DNAJA3: variants seen among roughly 807,000 people sequenced by gnomAD.
DNAJA3 encodes DnaJ heat shock protein family (Hsp40) member A3, also known as dnaJ homolog subfamily A member 3, mitochondrial.
Under a neutral mutation model 54.9 loss-of-function variants are expected in DNAJA3, and 29 were observed. The ratio of observed to expected loss-of-function variants is 0.53; its 90% confidence interval spans 0.39 to 0.72. The LOEUF (loss-of-function observed/expected upper bound fraction) is 0.72, where lower values mean the gene tolerates loss of function less well. DNAJA3 is among the 30% of genes least tolerant of loss of function. DNAJA3 has a pLI of 0.00. For missense variants in DNAJA3, 708 were observed against 639.4 expected (o/e 1.11, Z -1.16); for synonymous variants, 302 against 251.4 (o/e 1.20, Z -1.90).
In DNAJA3 at chr16:4,437,578, A is replaced by G. The variant is rs569341018; in HGVS notation, c.429+93A>G. 3.1e-5 allele frequency: 32 copies of G among 1,038,214 alleles called. No individual in the cohort carries two copies. In the South Asian group the frequency reaches 3.6e-4, roughly 12 times the overall value. The allele number at this position is 1,038,214 out of a possible 1,614,324, so 64.3% of individuals were successfully genotyped here. ...TACCTGGGACAGCCTGGTGTGTCAT[A>G]CAGTCCAGTGTGAAGGCCATGTCCC... On this transcript the variant is annotated intron_variant, in intron 3 of 11. Transcript: ENST00000262375.
At chr16:4,449,261 G>T (rs923272599) in intron 9 of DNAJA3, among the ~76,000 whole-genome samples, 3 of 152,226 alleles carry the variant, frequency 2.0e-5, no homozygotes, top group African/African-American at 7.2e-5. Context: ...CTCCCAAAGT[G>T]TTGGGATTAC....
chr16:4,448,578 G>A (rs567434142), intron 8 of DNAJA3, among the ~76,000 whole-genome samples, 155 bp from the exon 9 acceptor site: 2 of 152,278 alleles, frequency 1.3e-5, no homozygotes, highest in African/African-American at 2.4e-5. Context: ...TCCTGACCTC[G>A]TGATCAGCCT....
At chr16:4,443,887 C>T (rs371969934) in intron 6 of DNAJA3, among the ~76,000 whole-genome samples, 65 of 152,238 alleles carry the variant, frequency 4.3e-4, no homozygotes, top group East Asian at 3.7e-3. Flanking sequence ...GGGGTTTCAT[C>T]GTGTTAGCCA....
intron 10 of DNAJA3, among the ~76,000 whole-genome samples, chr16:4,453,283 G>A (rs57525127): frequency 6.6e-6 from 1 of 151,972 alleles, no homozygotes; most frequent in Non-Finnish European, 1.5e-5. Flanking sequence ...AGCTGACCCC[G>A]GTCTCCCAGA....
At chr16:4,452,474 A>T (rs2056990137) in intron 10 of DNAJA3, among the ~76,000 whole-genome samples, 1 of 152,078 alleles carries the variant, frequency 6.6e-6, no homozygotes, top group African/African-American at 2.4e-5. Flanking sequence ...CTGTAAGTTG[A>T]AAGTTGATTC....
Position 4,449,053 on chromosome 16 carries a change from G to C in DNAJA3, c.1241+205G>C, listed in dbSNP as rs1002800276. On this transcript the variant is annotated intron_variant, in intron 9 of 11. Coordinates refer to ENST00000262375, the MANE Select transcript of DNAJA3 (RefSeq NM_005147.6). ...GCTGTGTCCCCCAGGCTGGAGTGCAGTGGCGCCATCTCGGCTCACTGCAAC... is the reference window on the plus strand; with the variant it reads ...GCTGTGTCCCCCAGGCTGGAGTGCACTGGCGCCATCTCGGCTCACTGCAAC... Among the ~76,000 whole-genome samples the C allele has an allele frequency of 2.0e-5, 3 of 152,276 alleles. No homozygotes were observed. The East Asian group carries it at 5.8e-4, about 29-fold the overall frequency.
rs1213162976 is a variant in DNAJA3, at chr16:4,446,875, T to G, written c.997-11T>G. 6.2e-7 allele frequency: 1 copy of G among 1,613,526 alleles called. No homozygotes were observed. The highest frequency in any genetic ancestry group is 8.5e-7 in the Non-Finnish European group (1 of 1,179,848). On this transcript the variant is annotated splice_polypyrimidine_tract_variant and intron_variant, in intron 7 of 11. Coordinates refer to ENST00000262375, the MANE Select transcript of DNAJA3 (RefSeq NM_005147.6). ...CTTATCTTCACATGCATCTGTCATG[T>G]TTGGCCTTAGGTGCAGAAAAGCCCT... is the stretch of plus-strand genomic sequence containing the variant.
At chr16:4,452,054 A>G (rs190260335) in intron 10 of DNAJA3, among the ~76,000 whole-genome samples, 1 of 152,248 alleles carries the variant, frequency 6.6e-6, no homozygotes, top group East Asian at 1.9e-4. Flanking sequence ...TGGGTGACAT[A>G]GCGAGACTCT....
At chr16:4,445,526 C>T (rs969609328) in intron 7 of DNAJA3, among the ~76,000 whole-genome samples, 6 of 152,138 alleles carry the variant, frequency 3.9e-5, no homozygotes, top group African/African-American at 1.4e-4. Context: ...GGGCAAGACT[C>T]ACCGGTGTTT....
Position 4,442,333 on chromosome 16 carries a change from C to T in DNAJA3, c.696C>T (p.Ile232=). The change falls in exon 5 of 12, where the codon ATC becomes ATT. Residue 232 remains isoleucine, a synonymous_variant. Transcript: ENST00000262375. ...TCAACAAGGAGTTCACCGTGAACAT[C>T]ATGGACACGTGTGAGCGCTGCAACG... The part of the protein sequence containing the change: ...KGVNKEFTVN[I]MDTCERCNGK... The T allele has an allele frequency of 1.2e-6, 2 of 1,609,344 alleles. No homozygotes were observed. The highest frequency in any genetic ancestry group is 1.7e-6 in the Non-Finnish European group (2 of 1,177,712).
chr16:4,430,082 G>A (rs978680926), intron 1 of DNAJA3, among the ~76,000 whole-genome samples: 3 of 151,866 alleles, frequency 2.0e-5, no homozygotes, highest in Non-Finnish European at 2.9e-5. Flanking sequence ...GTTGAGGTGG[G>A]AGGATTGCTG....
chr16:4,443,419 G>A (rs1045903671), intron 6 of DNAJA3, among the ~76,000 whole-genome samples: 1 of 152,028 alleles, frequency 6.6e-6, no homozygotes, highest in Admixed American at 6.6e-5. Context: ...GAGACCTGAC[G>A]TGCCTACTCT....
In DNAJA3 at chr16:4,454,869, C is replaced by T. The variant is rs35375112; in HGVS notation, c.1398C>T (p.Asp466=). The T allele has an allele frequency of 2.5e-4, 398 of 1,614,026 alleles. 1 individual carries two copies. The African/African-American group carries it at 4.7e-3, about 19-fold the overall frequency. Residue 466 remains aspartate (D), a synonymous_variant, in exon 11 of 12, where the codon GAC becomes GAT. Coordinates refer to ENST00000262375, the MANE Select transcript of DNAJA3 (RefSeq NM_005147.6). The stretch of plus-strand genomic sequence containing the variant: ...AGGCTAGGCGTGAGGCTGGGGAGGA[C>T]GAGGAGGGATTCCTTTCCAAACTTA... ...GSKARREAGE[D]EEGFLSKLKK... is the part of the protein sequence containing the mutation.
rs1008307388 is a variant in DNAJA3, at chr16:4,455,893, G to C, written c.*361G>C. The C allele has an allele frequency of 6.4e-6, 3 of 465,868 alleles. No individual in the cohort carries two copies. The highest frequency in any genetic ancestry group is 5.8e-5 in the African/African-American group (3 of 51,944). The allele number at this position is 465,868 out of a possible 1,614,324, so 28.9% of individuals were successfully genotyped here. On this transcript the variant is annotated 3_prime_UTR_variant, in exon 12 of 12. Transcript: ENST00000262375. ...ATCTTAGTTAAAGGCCATGCTTACA[G>C]CTTAGAAATGAAGCCTTAAGCTGCA...
intron 3 of DNAJA3, among the ~76,000 whole-genome samples, chr16:4,438,213 AG>A (rs1486683724): frequency 6.6e-6 from 1 of 151,952 alleles, no homozygotes. Context: ...GGTGCTGGGG[AG>A]GCTGAGGCAG....
At chr16:4,441,091 TG>T in intron 3 of DNAJA3, 1 of 489,436 alleles carries the variant, frequency 2.0e-6, no homozygotes, top group Non-Finnish European at 3.6e-6. Flanking sequence ...AGGGTGCCTG[TG>T]AGGTCAAGCG....
intron 10 of DNAJA3, among the ~76,000 whole-genome samples, chr16:4,452,961 C>G (rs1184828553): frequency 2.0e-5 from 3 of 152,194 alleles, no homozygotes; most frequent in African/African-American, 7.2e-5. Context: ...GGTTAAGTCT[C>G]TCATTATACT....
chr16:4,435,409 A>G (rs565962528), intron 2 of DNAJA3, among the ~76,000 whole-genome samples: 26 of 151,942 alleles, frequency 1.7e-4, no homozygotes, highest in African/African-American at 6.0e-4. Flanking sequence ...GGAGTTGTGC[A>G]CCTGTCACCA....
At chr16:4,454,369 C>T (rs1384100628) in intron 10 of DNAJA3, among the ~76,000 whole-genome samples, 8 of 152,238 alleles carry the variant, frequency 5.3e-5, no homozygotes, top group Admixed American at 5.2e-4. Flanking sequence ...CTCCCTCCCG[C>T]TTGTTGGCTC....
Sources: gnomAD v4.1 joint callset for allele counts (sites outside exome capture counted in the v4.1 genomes callset) on GRCh38, gnomAD v4.1.1 for gene constraint, MANE v1.5 for transcripts, NCBI Gene and HGNC (gene_info 2026-07-23, HGNC 2026-07-21) for gene names.